Variants in SNX13 observed in about 807,000 individuals in gnomAD.
SNX13 encodes sorting nexin 13, also known as sorting nexin-13.
A neutral mutation model predicts 133.6 loss-of-function variants in SNX13; 45 were observed. The ratio of observed to expected loss-of-function variants is 0.34; its 90% CI spans 0.27 to 0.43. The LOEUF is 0.43. Among genes scored for constraint, SNX13 ranks in the 20% least tolerant of loss-of-function variants. The pLI is 1.00. For missense variants in SNX13, 1,032 were observed against 1,145.1 expected (o/e 0.90, Z 1.43); for synonymous variants, 414 against 373.9 (o/e 1.11, Z -1.24).
intron 11 of SNX13, among the ~76,000 whole-genome samples, chr7:17,847,869 G>T (rs1790733306): frequency 6.6e-6 from 1 of 152,090 alleles, no homozygotes; most frequent in Non-Finnish European, 1.5e-5. Context: ...GTTATCCTTT[G>T]ATACACCTCT....
intron 10 of SNX13, 54 bp downstream of exon 10, chr7:17,850,772 G>C: frequency 7.5e-7 from 1 of 1,330,824 alleles, no homozygotes; most frequent in Non-Finnish European, 9.9e-7. Context: ...TCAAAGTTTT[G>C]AAGATAAAAT....
intron 1 of SNX13, among the ~76,000 whole-genome samples, chr7:17,927,202 G>A (rs1420605920): frequency 6.7e-6 from 1 of 149,212 alleles, no homozygotes; most frequent in Non-Finnish European, 1.5e-5. Context: ...ATATATATGT[G>A]TATATATAAT....
At chr7:17,803,386 T>A (rs1784848955) in intron 21 of SNX13, 33 bp downstream of exon 21, 1 of 1,555,864 alleles carries the variant, frequency 6.4e-7, no homozygotes, top group African/African-American at 1.4e-5. Context: ...TAAAAATAGT[T>A]TGCTTTAGAC....
At chr7:17,838,917 G>C (rs913070784) in intron 13 of SNX13, among the ~76,000 whole-genome samples, 1 of 150,958 alleles carries the variant, frequency 6.6e-6, no homozygotes, top group African/African-American at 2.4e-5. Flanking sequence ...GCTTTCATTA[G>C]GGGAAATAGT....
At chr7:17,845,500 A>G (rs1790408066) in intron 12 of SNX13, 95 bp downstream of exon 12, 1 of 748,256 alleles carries the variant, frequency 1.3e-6, no homozygotes, top group Non-Finnish European at 2.2e-6. Flanking sequence ...ACACTTAAAA[A>G]TAGTTGAGAT....
chr7:17,852,345 G>A (rs1791324041), intron 9 of SNX13, among the ~76,000 whole-genome samples: 1 of 152,016 alleles, frequency 6.6e-6, no homozygotes, highest in African/African-American at 2.4e-5. Context: ...TGTACTCCAG[G>A]TTGGGCGCCA....
At chr7:17,832,570 G>A (rs1235234473) in intron 15 of SNX13, 1 of 780,412 alleles carries the variant, frequency 1.3e-6, no homozygotes, top group Non-Finnish European at 1.6e-6. Flanking sequence ...ATGGTTAGTT[G>A]ACAGAGCTGC....
rs1397217916 is a variant in SNX13, at chr7:17,813,768, TG to T, written c.2064+1065del. Among the ~76,000 whole-genome samples, 6 of 152,024 alleles carry T rather than the reference TG, an allele frequency of 3.9e-5. No homozygotes were observed. In the East Asian group the frequency reaches 1.2e-3, roughly 29 times the overall value. ...TGCCCAGCTAGTATTTTTTATTTTT[TG>T]TAGAGACAGGGTCTCGCTGTTACCA... On this transcript the variant is annotated intron_variant, in intron 20 of 25. Transcript: ENST00000428135.
chr7:17,794,704 C>A (rs575784269), intron 25 of SNX13: 1 of 154,366 alleles, frequency 6.5e-6, no homozygotes, highest in Non-Finnish European at 1.4e-5. Context: ...AAAAAGTGAT[C>A]TGTAAACTTT....
chr7:17,846,061 A>C (rs937895050), intron 11 of SNX13, among the ~76,000 whole-genome samples: 1 of 152,188 alleles, frequency 6.6e-6, no homozygotes, highest in African/African-American at 2.4e-5. Context: ...TTAAAAACTC[A>C]ACATTTTCAT....
intron 9 of SNX13, 90 bp from the exon 10 acceptor site, chr7:17,851,054 A>T (rs1791142429): frequency 7.6e-7 from 1 of 1,309,476 alleles, no homozygotes; most frequent in Non-Finnish European, 1.0e-6. Context: ...GTGCTAGGAC[A>T]ATTTGCTACA....
intron 1 of SNX13, among the ~76,000 whole-genome samples, chr7:17,920,004 A>C (rs1799956370): frequency 6.6e-6 from 1 of 152,064 alleles, no homozygotes; most frequent in Non-Finnish European, 1.5e-5. Flanking sequence ...GTAAAGAATA[A>C]AATTTTAAAA....
intron 15 of SNX13, chr7:17,831,254 A>G: frequency 1.0e-6 from 1 of 983,368 alleles, no homozygotes; most frequent in African/African-American, 1.7e-5. Flanking sequence ...CTACCTACAA[A>G]TATTAGAAAA....
At position 17,890,491 on chromosome 7, in the gene SNX13, CA is replaced by C; in HGVS notation, c.319-8del. On this transcript the variant is annotated splice_region_variant and splice_polypyrimidine_tract_variant and intron_variant, in intron 4 of 25. Transcript: ENST00000428135. ...TCAAGGAAAACTGGATAACCTATAA[CA>C]AAAATATTGGAAAAAAAATTACAAC... 1 of 1,537,818 alleles carries C rather than the reference CA, an allele frequency of 6.5e-7. No individual in the cohort carries two copies. Among genetic ancestry groups the C allele is most frequent in the South Asian group, 1.3e-5 (1 of 79,676 alleles).
chr7:17,868,594 A>G, intron 8 of SNX13, 104 bp from the exon 9 acceptor site: 2 of 831,162 alleles, frequency 2.4e-6, no homozygotes, highest in Admixed American at 2.8e-5. Context: ...AAAGTATGAT[A>G]TACATGTAAC....
intron 9 of SNX13, among the ~76,000 whole-genome samples, chr7:17,854,811 T>C (rs1283252778): frequency 6.6e-6 from 1 of 152,178 alleles, no homozygotes; most frequent in Non-Finnish European, 1.5e-5. Flanking sequence ...TTAGAACAGT[T>C]AGTAACCCTA....
At chr7:17,816,389 C>G in intron 18 of SNX13, 100 bp from the exon 19 acceptor site, 1 of 1,358,838 alleles carries the variant, frequency 7.4e-7, no homozygotes, top group Non-Finnish European at 9.8e-7. Flanking sequence ...AGGCCAGGTG[C>G]GGTGGCTCAC....
intron 5 of SNX13, chr7:17,888,696 T>G: frequency 2.1e-6 from 1 of 470,888 alleles, no homozygotes; most frequent in Non-Finnish European, 4.4e-6. Flanking sequence ...AGGGACTTTG[T>G]TTTATTCACT....
At chr7:17,820,156 T>G (rs1787126352) in intron 18 of SNX13, among the ~76,000 whole-genome samples, 2 of 152,164 alleles carry the variant, frequency 1.3e-5, no homozygotes, top group Non-Finnish European at 2.9e-5. Flanking sequence ...GAATGATTAT[T>G]CCTCTTAACT....
Sources: allele counts gnomAD v4.1 joint callset (sites outside exome capture counted in the v4.1 genomes callset), GRCh38; gene constraint gnomAD v4.1.1; transcripts MANE v1.5; gene names NCBI Gene and HGNC (gene_info 2026-07-23, HGNC 2026-07-21).